The following VOPP1 variants were observed in gnomAD, a reference collection of about 807,000 sequenced individuals.
VOPP1 encodes the protein WW domain binding protein VOPP1.
A neutral mutation model predicts 23.5 loss-of-function variants in VOPP1; 8 were observed. The observed-to-expected ratio is 0.34, with a 90% confidence interval of 0.20 to 0.61. The LOEUF is 0.61. Among genes scored for constraint, VOPP1 ranks in the 20% least tolerant of loss-of-function variants. The pLI is 0.78. For synonymous variants in VOPP1, 83 were observed against 97.3 expected (o/e 0.85, Z 0.86); for missense variants, 174 against 238.1 (o/e 0.73, Z 1.77).
At chr7:55,510,383 A>AC (rs562820653) in intron 2 of VOPP1, among the ~76,000 whole-genome samples, 1,668 of 152,222 alleles carry the variant, frequency 0.011, 11 homozygotes, top group Middle Eastern at 0.02. Context: ...GTTCATTCAG[A>AC]CCGCAATAAA....
chr7:55,488,558 C>T (rs1478570437), intron 4 of VOPP1, among the ~76,000 whole-genome samples: 1 of 152,144 alleles, frequency 6.6e-6, no homozygotes, highest in Non-Finnish European at 1.5e-5. Context: ...ATTTCCTCCC[C>T]TCCCCGACCA....
At chr7:55,528,291 C>T (rs1465177222) in intron 1 of VOPP1, among the ~76,000 whole-genome samples, 1 of 152,046 alleles carries the variant, frequency 6.6e-6, no homozygotes, top group Admixed American at 6.6e-5. Flanking sequence ...AGCCATGTAC[C>T]GAAATACTGA....
chr7:55,521,562 A>C, intron 1 of VOPP1: 1 of 992,176 alleles, frequency 1.0e-6, no homozygotes, highest in Middle Eastern at 5.2e-4. Context: ...GAATATGCTA[A>C]AGCCGCATTC....
At chr7:55,493,725 A>G (rs1022077743) in intron 3 of VOPP1, among the ~76,000 whole-genome samples, 1 of 152,242 alleles carries the variant, frequency 6.6e-6, no homozygotes, top group Admixed American at 6.5e-5. Context: ...CTGAGCTTAC[A>G]GAGGAGGGAG....
intron 3 of VOPP1, among the ~76,000 whole-genome samples, chr7:55,495,910 C>G (rs958672431): frequency 2.6e-5 from 4 of 152,212 alleles, no homozygotes; most frequent in African/African-American, 9.6e-5. Flanking sequence ...CTTCCAACAG[C>G]CTGACCTTAT....
At position 55,460,074 on chromosome 7, in the gene VOPP1, TATTAAATA is replaced by T. The variant is rs1449149093; in HGVS notation, n.418-23908_418-23901del. 2.3e-3 allele frequency among the ~76,000 whole-genome samples: 355 copies of T among 152,118 alleles called. 1 individual carries two copies. Among genetic ancestry groups the T allele is most frequent in the Non-Finnish European group, 4.0e-3 (273 of 67,940 alleles). On this transcript the variant is annotated intron_variant and non_coding_transcript_variant, in intron 4 of 4. Coordinates refer to the VOPP1 transcript ENST00000462326. ...TGGGTATGTTGCATTTCTATTTTCA[TATTAAATA>T]TTTAAAAACATATTTTTAAAAATTT...
At chr7:55,436,617 A>AGTGT (rs764332148) in intron 4 of VOPP1, among the ~76,000 whole-genome samples, 6 of 146,434 alleles carry the variant, frequency 4.1e-5, no homozygotes, top group Non-Finnish European at 7.5e-5. Flanking sequence ...TGTGTGCATG[A>AGTGT]GTGTGTGTGT....
At chr7:55,569,033 C>T (rs1584139319) in intron 1 of VOPP1, among the ~76,000 whole-genome samples, 1 of 152,330 alleles carries the variant, frequency 6.6e-6, no homozygotes, top group East Asian at 1.9e-4. Flanking sequence ...GGCCTGGGTC[C>T]CTGGATCATA....
chr7:55,447,127 G>A (rs941262747), intron 4 of VOPP1, among the ~76,000 whole-genome samples: 13 of 152,310 alleles, frequency 8.5e-5, no homozygotes, highest in Middle Eastern at 3.4e-3. Context: ...ACTGTGTCAT[G>A]TGATGCCCCT....
intron 1 of VOPP1, among the ~76,000 whole-genome samples, chr7:55,566,099 C>T (rs1021140499): frequency 6.6e-6 from 1 of 152,106 alleles, no homozygotes; most frequent in Non-Finnish European, 1.5e-5. Flanking sequence ...AAAGATCTAG[C>T]AGTCAAGCCA....
chr7:55,456,339 C>A (rs113942672), intron 4 of VOPP1, among the ~76,000 whole-genome samples: 1,832 of 152,312 alleles, frequency 0.012, 13 homozygotes, highest in Admixed American at 0.021. Context: ...AATGCTTTTA[C>A]ACTGTTGGTG....
At chr7:55,551,427 C>A (rs1471795667) in intron 1 of VOPP1, among the ~76,000 whole-genome samples, 1 of 152,086 alleles carries the variant, frequency 6.6e-6, no homozygotes, top group East Asian at 1.9e-4. Context: ...CCTTCAAAAT[C>A]GGGTTCTGAG....
intron 1 of VOPP1, among the ~76,000 whole-genome samples, chr7:55,533,408 C>A (rs944852925): frequency 2.0e-5 from 3 of 152,120 alleles, no homozygotes. Flanking sequence ...ATAAATATTT[C>A]TTCTCTCATT....
chr7:55,554,144 G>C (rs1229023807), intron 1 of VOPP1, among the ~76,000 whole-genome samples: 2 of 152,220 alleles, frequency 1.3e-5, no homozygotes, highest in African/African-American at 4.8e-5. Context: ...ATCTCTTATT[G>C]AGAGATAGTC....
At chr7:55,566,609 G>T (rs1798172178) in intron 1 of VOPP1, among the ~76,000 whole-genome samples, 1 of 152,156 alleles carries the variant, frequency 6.6e-6, no homozygotes, top group South Asian at 2.1e-4. Flanking sequence ...TACTCAGGAT[G>T]AAATTAACTT....
Position 55,472,895 on chromosome 7 carries a change from G to C in VOPP1, c.479C>G (p.Thr160Arg). The C allele has an allele frequency of 6.7e-7, 1 of 1,486,586 alleles. No homozygotes were observed. Among genetic ancestry groups the C allele is most frequent in the Non-Finnish European group, 8.9e-7 (1 of 1,118,930 alleles). The allele number at this position is 1,486,586 out of a possible 1,614,324, so 92.1% of individuals were successfully genotyped here. A position where few individuals can be genotyped will look rare whatever the true frequency, so the allele number is the denominator to read the frequency against. ...ACPPPPAYCN[T>R]PPPPYEQVVK... Reference sequence around the variant, plus strand: ...TACCTGTTCGTACGGGGGCGGAGGCGTGTTGCAGTAGGCTGGAGGGGGCGG... The same window carrying C: ...TACCTGTTCGTACGGGGGCGGAGGCCTGTTGCAGTAGGCTGGAGGGGGCGG... Residue 160 changes from threonine (T) to arginine (R), a missense_variant, in exon 5 of 5, where the codon ACG (threonine) becomes AGG (arginine). Thr to Arg is a moderately conservative substitution (Grantham distance 71, BLOSUM62 -1). Coordinates refer to ENST00000285279, the MANE Select transcript of VOPP1 (RefSeq NM_030796.5).
intron 4 of VOPP1, among the ~76,000 whole-genome samples, chr7:55,443,750 T>C (rs1385419141): frequency 2.0e-5 from 3 of 150,664 alleles, no homozygotes; most frequent in Non-Finnish European, 4.4e-5. Context: ...GTTCAAGCGA[T>C]TCTCCTCCCT....
chr7:55,442,440 A>G (rs1397229118), intron 4 of VOPP1, among the ~76,000 whole-genome samples: 3 of 152,198 alleles, frequency 2.0e-5, no homozygotes, highest in South Asian at 2.1e-4. Flanking sequence ...AATTGTGTAC[A>G]CAAGCTATAT....
At chr7:55,504,668 C>T (rs1345740746) in intron 2 of VOPP1, among the ~76,000 whole-genome samples, 1 of 152,248 alleles carries the variant, frequency 6.6e-6, no homozygotes, top group Non-Finnish European at 1.5e-5. Context: ...TGTGCAGAAT[C>T]CAAGGCAGGC....
Sources: allele counts gnomAD v4.1 joint callset (sites outside exome capture counted in the v4.1 genomes callset), GRCh38; gene constraint gnomAD v4.1.1; transcripts MANE v1.5; gene names NCBI Gene and HGNC (gene_info 2026-07-23, HGNC 2026-07-21).